Variants in PCDH15 observed in about 807,000 individuals in gnomAD.
PCDH15 encodes the protein protocadherin related 15, also known as protocadherin-15.
Under a neutral mutation model 178.5 loss-of-function variants are expected in PCDH15, and 129 were observed. The observed-to-expected ratio is 0.72, with a 90% CI of 0.63 to 0.84. PCDH15 has a LOEUF of 0.84. Among genes scored for constraint, PCDH15 ranks in the 40% least tolerant of loss-of-function variants. The pLI is 0.00. For synonymous variants in PCDH15, 800 were observed against 732.0 expected, an observed-to-expected ratio of 1.09 and a Z score of -1.50; for missense variants, 2,230 against 2,099.9, an observed-to-expected ratio of 1.06 and a Z score of -1.21.
intron 1 of PCDH15, among the ~76,000 whole-genome samples, chr10:55,287,384 A>G (rs1163818321): frequency 6.6e-6 from 1 of 152,100 alleles, no homozygotes; most frequent in African/African-American, 2.4e-5. Context: ...CATTAAACTT[A>G]TATGAGTTGG....
rs190822692 is a variant in PCDH15 at position 53,864,010 on chromosome 10, T to C, written c.3717+2632A>G. Among the ~76,000 whole-genome samples the C allele has an allele frequency of 3.1e-4, 47 of 152,240 alleles. 1 individual carries two copies. Among genetic ancestry groups the C allele is most frequent in the African/African-American group, 9.4e-4 (39 of 41,546 alleles). ...CCATAGTGAGAATGAGGACAAGGTA[T>C]TGGAGATTCAGGAGCAGAGAAGATT... On this transcript the variant is annotated intron_variant, in intron 27 of 37. Transcript: ENST00000644397.
chr10:55,443,435 A>G (rs1263875247), intron 2 of PCDH15, among the ~76,000 whole-genome samples: 2 of 152,078 alleles, frequency 1.3e-5, no homozygotes, highest in East Asian at 1.9e-4. Flanking sequence ...AATTTACAAG[A>G]AAAAAAACCA....
intron 1 of PCDH15, among the ~76,000 whole-genome samples, chr10:54,739,316 C>T (rs1944489102): frequency 6.6e-6 from 1 of 151,618 alleles, no homozygotes; most frequent in Non-Finnish European, 1.5e-5. Flanking sequence ...TCAATTTACA[C>T]AGCTACCAAA....
At chr10:54,220,810 G>A (rs1459483400) in intron 9 of PCDH15, among the ~76,000 whole-genome samples, 1 of 150,548 alleles carries the variant, frequency 6.6e-6, no homozygotes. Flanking sequence ...GGGCGACAGA[G>A]CGAGACTCCG....
chr10:54,999,859 T>C (rs1330668394), intron 2 of PCDH15, among the ~76,000 whole-genome samples: 1 of 152,190 alleles, frequency 6.6e-6, no homozygotes, highest in Non-Finnish European at 1.5e-5. Flanking sequence ...AGACATCACA[T>C]GTTGGCAGGT....
At chr10:55,344,535 TAAAAG>T (rs1180979820) in intron 2 of PCDH15, among the ~76,000 whole-genome samples, 2 of 152,028 alleles carry the variant, frequency 1.3e-5, no homozygotes, top group African/African-American at 4.8e-5. Context: ...GATGTGGGAA[TAAAAG>T]AAGACAGTCA....
intron 1 of PCDH15, among the ~76,000 whole-genome samples, chr10:54,684,514 T>C (rs909585603): frequency 3.3e-5 from 5 of 152,076 alleles, no homozygotes; most frequent in African/African-American, 1.2e-4. Context: ...GGCCTCTTTA[T>C]GTAAATGCAT....
intron 15 of PCDH15, among the ~76,000 whole-genome samples, chr10:54,110,773 C>T (rs568294914): frequency 3.1e-4 from 47 of 152,138 alleles, no homozygotes; most frequent in East Asian, 1.2e-3. Flanking sequence ...AAATCAGAGA[C>T]GAAGATGACA....
At chr10:54,957,588 G>A (rs1303539944) in intron 2 of PCDH15, among the ~76,000 whole-genome samples, 2 of 151,506 alleles carry the variant, frequency 1.3e-5, no homozygotes, top group African/African-American at 4.8e-5. Context: ...GAGCAGGAAA[G>A]AAATACCGTA....
chr10:54,731,204 G>C (rs2132651350), intron 1 of PCDH15, among the ~76,000 whole-genome samples: 1 of 151,082 alleles, frequency 6.6e-6, no homozygotes, highest in Middle Eastern at 3.4e-3. Flanking sequence ...CAACTCAAAA[G>C]TGCAATGAGC....
At chr10:53,944,456 C>G (rs1259583969) in intron 23 of PCDH15, among the ~76,000 whole-genome samples, 3 of 152,226 alleles carry the variant, frequency 2.0e-5, no homozygotes, top group Non-Finnish European at 4.4e-5. Flanking sequence ...AAACATTTCT[C>G]AGAAGGTTTT....
intron 3 of PCDH15, among the ~76,000 whole-genome samples, chr10:54,476,744 A>G (rs929314531): frequency 6.6e-6 from 1 of 152,124 alleles, no homozygotes; most frequent in Admixed American, 6.6e-5. Context: ...AACCTTTTCT[A>G]CACTCCAGGT....
chr10:55,076,791 A>C (rs1246998734), intron 2 of PCDH15, among the ~76,000 whole-genome samples: 1 of 96,636 alleles, frequency 1.0e-5, no homozygotes, highest in Non-Finnish European at 1.9e-5. Flanking sequence ...TTTTTTTGAG[A>C]TGGAGTCTTG....
intron 1 of PCDH15, among the ~76,000 whole-genome samples, chr10:55,198,008 G>A (rs1343588602): frequency 6.6e-6 from 1 of 152,130 alleles, no homozygotes; most frequent in Non-Finnish European, 1.5e-5. Context: ...AGGGAAATCT[G>A]TGGTTCTGTG....
At chr10:54,418,092 C>A (rs896061242) in intron 3 of PCDH15, among the ~76,000 whole-genome samples, 9 of 152,052 alleles carry the variant, frequency 5.9e-5, no homozygotes, top group African/African-American at 2.2e-4. Context: ...CCACTGTGCC[C>A]AGCCACAGTC....
intron 2 of PCDH15, among the ~76,000 whole-genome samples, chr10:54,656,709 T>A (rs772172956): frequency 2.0e-5 from 3 of 152,062 alleles, no homozygotes; most frequent in Non-Finnish European, 4.4e-5. Flanking sequence ...TCCCTGGTAA[T>A]CTAGCCCTCA....
At chr10:54,028,799 G>A (rs11498081) in intron 18 of PCDH15, among the ~76,000 whole-genome samples, 1 of 136,252 alleles carries the variant, frequency 7.3e-6, no homozygotes, top group Non-Finnish European at 1.6e-5. Context: ...GGGGTGGGGG[G>A]AGGGGGGAGG....
At chr10:54,251,807 C>A (rs2056496753) in intron 8 of PCDH15, among the ~76,000 whole-genome samples, 1 of 152,098 alleles carries the variant, frequency 6.6e-6, no homozygotes, top group Non-Finnish European at 1.5e-5. Context: ...TCTTAAATCT[C>A]TTCAGTTTAA....
chr10:53,983,522 A>G (rs2090848311), intron 21 of PCDH15, among the ~76,000 whole-genome samples: 1 of 152,096 alleles, frequency 6.6e-6, no homozygotes, highest in African/African-American at 2.4e-5. Context: ...GACACTTAAT[A>G]TAAGGTGTTT....
Sources: gnomAD v4.1 joint callset for allele counts (sites outside exome capture counted in the v4.1 genomes callset) on GRCh38, gnomAD v4.1.1 for gene constraint, MANE v1.5 for transcripts, NCBI Gene and HGNC (gene_info 2026-07-23, HGNC 2026-07-21) for gene names.